The following ZCCHC24 variants were observed in gnomAD, a reference collection of about 807,000 sequenced individuals.
ZCCHC24 encodes zinc finger CCHC-type containing 24, also known as zinc finger CCHC domain-containing protein 24.
ZCCHC24 carries 10 observed loss-of-function variants against 26.2 expected under a neutral mutation model. The ratio of observed to expected loss-of-function variants is 0.38; its 90% confidence interval spans 0.24 to 0.65. The LOEUF (loss-of-function observed/expected upper bound fraction) is 0.65. ZCCHC24 is among the 30% of genes least tolerant of loss of function. The pLI, the probability that ZCCHC24 is intolerant of heterozygous loss-of-function variation, is 0.54. For synonymous variants in ZCCHC24, 144 were observed against 147.1 expected, an observed-to-expected ratio of 0.98 and a Z score of 0.15; for missense variants, 243 against 329.1, an observed-to-expected ratio of 0.74 and a Z score of 2.03.
At chr10:79,443,378 G>A (rs557499137) in intron 1 of ZCCHC24, among the ~76,000 whole-genome samples, 2 of 152,306 alleles carry the variant, frequency 1.3e-5, no homozygotes, top group South Asian at 4.1e-4. Context: ...CACAGGTGGG[G>A]AACAATGCCA....
At chr10:79,414,064 C>T (rs1462021340) in intron 2 of ZCCHC24, among the ~76,000 whole-genome samples, 1 of 152,224 alleles carries the variant, frequency 6.6e-6, no homozygotes, top group Non-Finnish European at 1.5e-5. Flanking sequence ...CACCCTCACC[C>T]CTTCCACCAA....
intron 2 of ZCCHC24, among the ~76,000 whole-genome samples, chr10:79,401,824 G>A (rs1424085993): frequency 2.0e-5 from 3 of 152,254 alleles, no homozygotes; most frequent in Non-Finnish European, 2.9e-5. Flanking sequence ...GAGCCAAGAG[G>A]AGCAGGGGGA....
rs537937837 is a variant in ZCCHC24 at position 79,385,052 on chromosome 10, G to A, written c.*1293C>T. 3.3e-5 allele frequency: 5 copies of A among 152,272 alleles called. No homozygotes were observed. The East Asian group carries it at 7.7e-4, about 24-fold the overall frequency. The allele number at this position is 152,272 out of a possible 1,614,324, so 9.4% of individuals were successfully genotyped here. ...ATTATTGTCTCCATTTTAGAAAAGA[G>A]GGGTTCTGTGGCTTGTCTCAGGGTT... On this transcript the variant is annotated 3_prime_UTR_variant, in exon 4 of 4. Coordinates refer to ENST00000372336, the MANE Select transcript of ZCCHC24 (RefSeq NM_153367.4). The surrounding 1 kb of genome is among the most constrained non-coding windows in gnomAD (Gnocchi z 4.3).
At position 79,397,155 on chromosome 10, in the gene ZCCHC24, A is replaced by C. The variant is rs548495605; in HGVS notation, c.448-2715T>G. 2.0e-5 allele frequency among the ~76,000 whole-genome samples: 3 copies of C among 152,316 alleles called. No individual in the cohort carries two copies. In the South Asian group the frequency reaches 6.2e-4, roughly 32 times the overall value. ...CATACGTGCTGAGTGCGCAGATCTA[A>C]AGTTAGAAAGTGACACCAACACCAC... On this transcript the variant is annotated intron_variant, in intron 2 of 3. Coordinates refer to ENST00000372336, the MANE Select transcript of ZCCHC24 (RefSeq NM_153367.4).
At chr10:79,402,233 G>A (rs532643410) in intron 2 of ZCCHC24, among the ~76,000 whole-genome samples, 10 of 152,176 alleles carry the variant, frequency 6.6e-5, no homozygotes, top group Non-Finnish European at 1.2e-4. Context: ...GTTGGGCCCT[G>A]GCTCTCCCAC....
intron 3 of ZCCHC24, among the ~76,000 whole-genome samples, chr10:79,387,437 G>C (rs1028725262): frequency 2.0e-5 from 3 of 152,206 alleles, no homozygotes; most frequent in African/African-American, 7.2e-5. Flanking sequence ...TCCAAAGCTG[G>C]CGAAGACTTG....
chr10:79,437,118 G>A (rs1857226568), intron 1 of ZCCHC24, among the ~76,000 whole-genome samples: 1 of 152,168 alleles, frequency 6.6e-6, no homozygotes, highest in Non-Finnish European at 1.5e-5. Flanking sequence ...CACAATCACA[G>A]CTCACTGCAG....
At chr10:79,443,043 G>T (rs1857310588) in intron 1 of ZCCHC24, among the ~76,000 whole-genome samples, 1 of 152,162 alleles carries the variant, frequency 6.6e-6, no homozygotes, top group African/African-American at 2.4e-5. Context: ...AAATACTATA[G>T]ATATACCATC....
chr10:79,399,411 C>T (rs1224100674), intron 2 of ZCCHC24, among the ~76,000 whole-genome samples: 3 of 152,240 alleles, frequency 2.0e-5, no homozygotes, highest in East Asian at 1.9e-4. Context: ...ACCACCCGCC[C>T]GGCTGGGAAG....
chr10:79,444,436 G>C (rs1490128503), intron 1 of ZCCHC24, among the ~76,000 whole-genome samples: 1 of 152,190 alleles, frequency 6.6e-6, no homozygotes, highest in African/African-American at 2.4e-5. Flanking sequence ...AGCCGGCCCA[G>C]GTTTCTGCAG....
intron 3 of ZCCHC24, among the ~76,000 whole-genome samples, chr10:79,390,491 A>G (rs1856465530): frequency 6.6e-6 from 1 of 152,122 alleles, no homozygotes; most frequent in South Asian, 2.1e-4. Flanking sequence ...TGATCTTGAA[A>G]CATCCTTGCC....
At chr10:79,418,196 A>G (rs1399683056) in intron 2 of ZCCHC24, among the ~76,000 whole-genome samples, 2 of 152,188 alleles carry the variant, frequency 1.3e-5, no homozygotes, top group African/African-American at 4.8e-5. Flanking sequence ...AGTGGAGCAA[A>G]TGGTATAACT....
rs368494950 is a variant in ZCCHC24 at position 79,399,255 on chromosome 10, A to G, written c.448-4815T>C. Among the ~76,000 whole-genome samples, 26 of 152,332 alleles carry G rather than the reference A, an allele frequency of 1.7e-4. No individual in the cohort carries two copies. The South Asian group carries it at 5.2e-3, about 30-fold the overall frequency. On this transcript the variant is annotated intron_variant, in intron 2 of 3. Transcript: ENST00000372336. ...GTTGTTTATGCTTACAAATGAGGGCAGGGCCAAGGGGAGAAGGAATTTCTA... is the reference window on the plus strand; with the variant it reads ...GTTGTTTATGCTTACAAATGAGGGCGGGGCCAAGGGGAGAAGGAATTTCTA...
At chr10:79,434,404 C>T (rs1319563767) in intron 1 of ZCCHC24, among the ~76,000 whole-genome samples, 1 of 152,178 alleles carries the variant, frequency 6.6e-6, no homozygotes, top group Non-Finnish European at 1.5e-5. Flanking sequence ...GAGGGTCCCC[C>T]GTCCCTGGAG....
chr10:79,390,869 G>A (rs745889134), intron 3 of ZCCHC24, among the ~76,000 whole-genome samples: 10 of 152,182 alleles, frequency 6.6e-5, no homozygotes, highest in Non-Finnish European at 1.5e-4. Context: ...ACACAGGTCA[G>A]GGCTCTGTGG....
At chr10:79,394,747 G>T in intron 2 of ZCCHC24, 1 of 647,032 alleles carries the variant, frequency 1.5e-6, no homozygotes, top group Non-Finnish European at 1.9e-6. Context: ...TAACTCACAC[G>T]TCATCAAGGG....
In ZCCHC24 at chr10:79,395,905, TCA is replaced by T. The variant is rs372506172; in HGVS notation, c.448-1467_448-1466del. Among the ~76,000 whole-genome samples the T allele has an allele frequency of 2.4e-3, 366 of 152,324 alleles. 1 individual carries two copies. The highest frequency in any genetic ancestry group is 8.2e-3 in the African/African-American group (342 of 41,568). On this transcript the variant is annotated intron_variant, in intron 2 of 3. Coordinates refer to ENST00000372336, the MANE Select transcript of ZCCHC24 (RefSeq NM_153367.4). ...ACAAATCAATTGGTTTTAAGTAAAT[TCA>T]CAGAGTATACAGTCATCACCACAAT...
At chr10:79,395,184 C>T (rs1250236101) in intron 2 of ZCCHC24, among the ~76,000 whole-genome samples, 2 of 151,708 alleles carry the variant, frequency 1.3e-5, no homozygotes, top group Non-Finnish European at 2.9e-5. Context: ...GCTGGGGCTA[C>T]GTAGGTGCAT....
chr10:79,427,313 A>AC (rs1857043784), intron 2 of ZCCHC24, among the ~76,000 whole-genome samples: 1 of 152,200 alleles, frequency 6.6e-6, no homozygotes, highest in Non-Finnish European at 1.5e-5. Context: ...GCAGGAGGAG[A>AC]CATAGACATC....
Sources: gnomAD v4.1 joint callset for allele counts (sites outside exome capture counted in the v4.1 genomes callset) on GRCh38, gnomAD v4.1.1 for gene constraint, Gnocchi (gnomAD v3.1) non-coding constraint, MANE v1.5 for transcripts, NCBI Gene and HGNC (gene_info 2026-07-23, HGNC 2026-07-21) for gene names.